ATG13: variants seen among roughly 807,000 people sequenced by gnomAD.
ATG13 encodes the protein autophagy related 13.
ATG13 carries 23 observed loss-of-function variants against 65.5 expected under a neutral mutation model. The observed-to-expected ratio is 0.35, with a 90% CI of 0.25 to 0.50. ATG13 has a LOEUF of 0.50. Ranked by LOEUF, ATG13 falls within the 20% of genes least tolerant of loss-of-function variation. The pLI is 0.98. For missense variants in ATG13, 566 were observed against 677.0 expected (o/e 0.84, Z 1.82); for synonymous variants, 252 against 245.2 (o/e 1.03, Z -0.26).
chr11:46,670,458 G>C (rs1295270674), intron 18 of ATG13, among the ~76,000 whole-genome samples: 1 of 148,658 alleles, frequency 6.7e-6, no homozygotes, highest in Non-Finnish European at 1.5e-5. Context: ...TCCAACCCGG[G>C]TGACAGAGTG....
At chr11:46,643,341 A>G (rs1460969374) in intron 2 of ATG13, among the ~76,000 whole-genome samples, 5 of 152,128 alleles carry the variant, frequency 3.3e-5, no homozygotes, top group African/African-American at 4.8e-5. Context: ...CAAAGAGTAC[A>G]TGACTACTTG....
intron 7 of ATG13, among the ~76,000 whole-genome samples, chr11:46,655,816 C>A (rs1054645647): frequency 1.3e-5 from 2 of 152,174 alleles, no homozygotes; most frequent in African/African-American, 4.8e-5. Flanking sequence ...TGGCTCACTG[C>A]AGCGTCAACT....
chr11:46,631,214 C>CTAATGAA (rs1173890180), intron 2 of ATG13, among the ~76,000 whole-genome samples: 1 of 152,142 alleles, frequency 6.6e-6, no homozygotes, highest in Admixed American at 6.6e-5. Context: ...TAATGAATGA[C>CTAATGAA]AGGGTCTCAC....
At chr11:46,618,563 T>G (rs1476008742) in intron 1 of ATG13, among the ~76,000 whole-genome samples, 1 of 152,208 alleles carries the variant, frequency 6.6e-6, no homozygotes, top group Non-Finnish European at 1.5e-5. Flanking sequence ...CTCATTACAC[T>G]TAGTTTAAAA....
intron 2 of ATG13, among the ~76,000 whole-genome samples, chr11:46,638,280 T>C (rs2136115658): frequency 1.3e-5 from 2 of 152,000 alleles, no homozygotes; most frequent in African/African-American, 4.8e-5. Flanking sequence ...CTACTAAAAA[T>C]ACAAAAATCA....
intron 11 of ATG13, among the ~76,000 whole-genome samples, chr11:46,662,281 T>G (rs2061372312): frequency 6.6e-6 from 1 of 152,226 alleles, no homozygotes; most frequent in Non-Finnish European, 1.5e-5. Flanking sequence ...AAATTTAAAT[T>G]TCAGTAAGCA....
At chr11:46,621,929 A>G (rs896245143) in intron 1 of ATG13, among the ~76,000 whole-genome samples, 1 of 151,472 alleles carries the variant, frequency 6.6e-6, no homozygotes, top group African/African-American at 2.4e-5. Context: ...TGGAATATCT[A>G]CCATTTTTCT....
chr11:46,647,293 G>GTTTTTTTTTTTTTT (rs1174804865), intron 5 of ATG13, among the ~76,000 whole-genome samples: 1 of 108,912 alleles, frequency 9.2e-6, no homozygotes, highest in Non-Finnish European at 2.0e-5. Flanking sequence ...TTTTTTTTTT[G>GTTTTTTTTTTTTTT]TTTTTTTTTT....
At chr11:46,657,309 A>G (rs938241164) in intron 9 of ATG13, 118 bp downstream of exon 9, 2 of 1,055,554 alleles carry the variant, frequency 1.9e-6, no homozygotes, top group African/African-American at 3.2e-5. Context: ...CCTTCAGAAG[A>G]ATAAAGAGAG....
chr11:46,668,506 T>C lies in ATG13; in HGVS notation c.1259T>C (p.Leu420Pro), dbSNP rs146553238. 106 of 1,614,090 alleles carry C rather than the reference T, an allele frequency of 6.6e-5. No individual in the cohort carries two copies. Among genetic ancestry groups the C allele is most frequent in the Admixed American group, 8.3e-5 (5 of 60,012 alleles). The part of the protein sequence containing the change: ...FVNKPINQVT[L>P]TSLDIPFAMF... Reference sequence around the variant, plus strand: ...TCTCCTGTGTCTCTTCAGGTGACCCTGACGAGTTTGGATATACCCTTTGCC... The same window carrying C: ...TCTCCTGTGTCTCTTCAGGTGACCCCGACGAGTTTGGATATACCCTTTGCC... The change falls in exon 16 of 19, where the codon CTG becomes CCG. Residue 420 changes from leucine to proline, a missense_variant. By Grantham distance (98) the Leu-to-Pro change is moderately conservative. This residue lies in a region of ATG13 where 387 missense variants were observed against 409.8 expected (regional missense o/e 0.94). Transcript: ENST00000683050.
chr11:46,642,557 G>A (rs2056411522), intron 2 of ATG13, among the ~76,000 whole-genome samples: 1 of 151,602 alleles, frequency 6.6e-6, no homozygotes, highest in Non-Finnish European at 1.5e-5. Context: ...CACCCTCCTC[G>A]GCCTCCCAAA....
At chr11:46,638,733 A>C (rs1387056274) in intron 2 of ATG13, 1 of 152,152 alleles carries the variant, frequency 6.6e-6, no homozygotes, top group Non-Finnish European at 1.5e-5. Context: ...CTCCAGGTTC[A>C]TTCATGTTGC....
chr11:46,619,007 T>G (rs570362428), intron 1 of ATG13, among the ~76,000 whole-genome samples: 1 of 152,054 alleles, frequency 6.6e-6, no homozygotes, highest in Non-Finnish European at 1.5e-5. Flanking sequence ...CGAAGGAAGT[T>G]TACTTGAACT....
intron 10 of ATG13, 59 bp from the exon 11 acceptor site, chr11:46,659,333 C>A (rs2136811746): frequency 7.3e-7 from 1 of 1,371,640 alleles, no homozygotes. Context: ...CCTTTTATAG[C>A]CTTTCTGAAA....
intron 1 of ATG13, among the ~76,000 whole-genome samples, chr11:46,627,644 T>A (rs1300889406): frequency 1.3e-5 from 2 of 151,896 alleles, no homozygotes; most frequent in East Asian, 2.0e-4. Flanking sequence ...CTAATTTTTT[T>A]ATTTTTTTAT....
intron 2 of ATG13, among the ~76,000 whole-genome samples, chr11:46,642,553 C>T (rs1439749860): frequency 6.6e-6 from 1 of 152,144 alleles, no homozygotes; most frequent in Non-Finnish European, 1.5e-5. Context: ...GATCCACCCT[C>T]CTCGGCCTCC....
At chr11:46,635,085 G>A (rs1591631989) in intron 2 of ATG13, among the ~76,000 whole-genome samples, 1 of 151,496 alleles carries the variant, frequency 6.6e-6, no homozygotes, top group African/African-American at 2.4e-5. Flanking sequence ...TGAACTCATG[G>A]CAGCCTCTGC....
At chr11:46,648,398 GTTGT>G (rs1420149067) in intron 5 of ATG13, among the ~76,000 whole-genome samples, 1 of 152,084 alleles carries the variant, frequency 6.6e-6, no homozygotes, top group Non-Finnish European at 1.5e-5. Flanking sequence ...TAGTCTCAAG[GTTGT>G]TTATCACAAT....
chr11:46,668,377 G>A (rs1475172788), intron 15 of ATG13, 122 bp from the exon 16 acceptor site: 12 of 954,896 alleles, frequency 1.3e-5, no homozygotes, highest in Non-Finnish European at 2.0e-5. Context: ...GGAGCCTAAG[G>A]GGCAGCATGG....
Sources: allele counts gnomAD v4.1 joint callset (sites outside exome capture counted in the v4.1 genomes callset), GRCh38; gene constraint gnomAD v4.1.1; regional missense constraint gnomAD v4.1.1; transcripts MANE v1.5; gene names NCBI Gene and HGNC (gene_info 2026-07-23, HGNC 2026-07-21).